Variants in SHANK2 observed in about 807,000 individuals in gnomAD.
SHANK2 encodes SH3 and multiple ankyrin repeat domains 2.
A neutral mutation model predicts 133.7 loss-of-function variants in SHANK2; 43 were observed. That is an observed-to-expected ratio of 0.32 (90% CI 0.25 to 0.41). The LOEUF (loss-of-function observed/expected upper bound fraction) is 0.41, where lower values mean the gene tolerates loss of function less well. Among genes scored for constraint, SHANK2 ranks in the 10% least tolerant of loss-of-function variants. The pLI, the probability that SHANK2 is intolerant of heterozygous loss-of-function variation, is 1.00. For synonymous variants in SHANK2, 1,017 were observed against 952.8 expected (o/e 1.07, Z -1.24); for missense variants, 1,994 against 2,235.8 (o/e 0.89, Z 2.18).
intron 2 of SHANK2, among the ~76,000 whole-genome samples, chr11:71,156,019 C>G (rs1355240361): frequency 1.3e-5 from 2 of 152,182 alleles, no homozygotes; most frequent in Non-Finnish European, 2.9e-5. Flanking sequence ...ACAAGGGGCA[C>G]CTGGGGGTGC....
At chr11:71,105,614 A>G (rs1555097709) in intron 6 of SHANK2, among the ~76,000 whole-genome samples, 1 of 144,118 alleles carries the variant, frequency 6.9e-6, no homozygotes, top group Non-Finnish European at 1.5e-5. Flanking sequence ...AAAAAAAAAA[A>G]GAAAGGGTCA....
At chr11:70,697,311 GC>G (rs1247255511) in intron 15 of SHANK2, among the ~76,000 whole-genome samples, 3 of 152,204 alleles carry the variant, frequency 2.0e-5, no homozygotes, top group African/African-American at 7.2e-5. Context: ...AAAATTGGGG[GC>G]GGGGAAGGAA....
chr11:70,656,836 A>G (rs1291944464), intron 17 of SHANK2, among the ~76,000 whole-genome samples: 8 of 152,188 alleles, frequency 5.3e-5, no homozygotes, highest in African/African-American at 1.7e-4. Context: ...CAACCAAGGA[A>G]CAAAAACAAC....
chr11:70,684,014 C>A (rs554931447), intron 15 of SHANK2, among the ~76,000 whole-genome samples: 31 of 152,190 alleles, frequency 2.0e-4, no homozygotes, highest in Non-Finnish European at 4.3e-4. Context: ...GAACTTCTGG[C>A]CTCAAGTGAT....
intron 3 of SHANK2, among the ~76,000 whole-genome samples, chr11:71,132,683 G>T (rs1266316710): frequency 6.6e-6 from 1 of 152,134 alleles, no homozygotes; most frequent in African/African-American, 2.4e-5. Context: ...TGCTTTAAAT[G>T]ACGTGTAAGA....
chr11:70,499,205 G>A (rs887649785), intron 21 of SHANK2, among the ~76,000 whole-genome samples: 2 of 152,232 alleles, frequency 1.3e-5, no homozygotes, highest in Non-Finnish European at 2.9e-5. Context: ...AGCAACGCTC[G>A]GTGTCTTCAG....
At chr11:70,524,231 T>TG (rs1178284331) in intron 17 of SHANK2, among the ~76,000 whole-genome samples, 3 of 152,078 alleles carry the variant, frequency 2.0e-5, no homozygotes, top group South Asian at 4.1e-4. Flanking sequence ...TCCCACCCCC[T>TG]GGGGGGCAGT....
chr11:71,175,546 GA>G lies in SHANK2; in HGVS notation c.-12-28209del, dbSNP rs1555112967. 4.0e-3 allele frequency among the ~76,000 whole-genome samples: 53 copies of G among 13,164 alleles called. No homozygotes were observed. Among genetic ancestry groups the G allele is most frequent in the East Asian group, 0.033 (4 of 122 alleles). 8.6% of individuals were successfully genotyped at this position (13,164 alleles called of 152,430 possible). ...ACAGACAGACAGACAGAGGGAGAGG[GA>G]GAGGGAGAGAGAGAGAGAGAGAGAG... On this transcript the variant is annotated intron_variant, in intron 2 of 25. Transcript: ENST00000601538. This position sits in a 1 kb window ranked among gnomAD's most constrained non-coding sequence, Gnocchi z 4.2.
At chr11:70,943,107 C>T (rs545555943) in intron 10 of SHANK2, 12 of 456,482 alleles carry the variant, frequency 2.6e-5, no homozygotes, top group Admixed American at 1.6e-4. Flanking sequence ...AAGGAGTTCA[C>T]CTGGCAAAGG....
chr11:70,741,282 T>TCCA (rs1946520996), intron 14 of SHANK2, among the ~76,000 whole-genome samples: 11 of 147,068 alleles, frequency 7.5e-5, no homozygotes, highest in African/African-American at 2.5e-4. Flanking sequence ...CATCCATCCA[T>TCCA]TCATCCATCC....
At chr11:70,474,621 ACACTGAAAGCCC>A (rs2058639813) in intron 25 of SHANK2, 1 of 152,262 alleles carries the variant, frequency 6.6e-6, no homozygotes, top group African/African-American at 2.4e-5. Flanking sequence ...TGCTGTCCCC[ACACTGAAAGCCC>A]ATTCATCCTA....
chr11:70,593,264 G>C (rs1161737060), intron 17 of SHANK2, among the ~76,000 whole-genome samples: 1 of 152,222 alleles, frequency 6.6e-6, no homozygotes, highest in Admixed American at 6.5e-5. Flanking sequence ...GCTGCATTGA[G>C]AAAAATCTAA....
At chr11:70,881,054 T>C (rs111504399) in intron 11 of SHANK2, among the ~76,000 whole-genome samples, 87 of 152,302 alleles carry the variant, frequency 5.7e-4, no homozygotes, top group African/African-American at 1.9e-3. Context: ...TTTTTGTTAA[T>C]AGAAACAGAA....
rs971522679 is a variant in SHANK2, at chr11:70,535,557, C to T, written c.2062-32626G>A. The stretch of plus-strand genomic sequence containing the variant: ...CCATCAGTCTATTCATCTGTCTGTT[C>T]GTCCATCTCCCCGTCCTTCTGTCTG... On this transcript the variant is annotated intron_variant, in intron 17 of 25. Coordinates refer to ENST00000601538, the MANE Select transcript of SHANK2 (RefSeq NM_012309.5). The surrounding 1 kb of genome is among the most constrained non-coding windows in gnomAD (Gnocchi z 4.3). Among the ~76,000 whole-genome samples, 10 of 152,368 alleles carry T rather than the reference C, an allele frequency of 6.6e-5. No individual in the cohort carries two copies. Among genetic ancestry groups the T allele is most frequent in the South Asian group, 2.1e-4 (1 of 4,830 alleles).
chr11:70,794,873 A>G (rs1321724067), intron 14 of SHANK2, among the ~76,000 whole-genome samples: 2 of 152,188 alleles, frequency 1.3e-5, no homozygotes, highest in East Asian at 3.9e-4. Flanking sequence ...GAAGGGTTTA[A>G]TATCTTATTT....
At chr11:71,090,088 C>CGTGTGTGT (rs1302645293) in intron 8 of SHANK2, among the ~76,000 whole-genome samples, 8 of 141,130 alleles carry the variant, frequency 5.7e-5, no homozygotes, top group African/African-American at 1.6e-4. Context: ...AGACACAGAA[C>CGTGTGTGT]GTGTGTGTGT....
intron 14 of SHANK2, among the ~76,000 whole-genome samples, chr11:70,747,950 CAAT>C (rs1290815004): frequency 2.6e-5 from 4 of 152,126 alleles, no homozygotes; most frequent in African/African-American, 9.6e-5. Context: ...TATACATGGA[CAAT>C]AATAAATATT....
chr11:70,822,819 C>T (rs1282939133), intron 11 of SHANK2, among the ~76,000 whole-genome samples: 1 of 92,572 alleles, frequency 1.1e-5, no homozygotes, highest in African/African-American at 4.3e-5. Flanking sequence ...ACAGAGGTGG[C>T]GCTGGCAGAG....
intron 16 of SHANK2, 71 bp from the exon 17 acceptor site, chr11:70,660,023 C>T: frequency 6.2e-7 from 1 of 1,603,106 alleles, no homozygotes; most frequent in East Asian, 2.2e-5. Context: ...CTGACCTCCC[C>T]ACAGGACCCC....
Sources: gnomAD v4.1 joint callset for allele counts (sites outside exome capture counted in the v4.1 genomes callset) on GRCh38, gnomAD v4.1.1 for gene constraint, Gnocchi (gnomAD v3.1) non-coding constraint, MANE v1.5 for transcripts, NCBI Gene and HGNC (gene_info 2026-07-23, HGNC 2026-07-21) for gene names.